Variants in F2R observed in about 807,000 individuals in gnomAD.
F2R encodes the protein coagulation factor II thrombin receptor.
In F2R, 12 loss-of-function variants were observed where a neutral mutation model predicts 18.3. That is an observed-to-expected ratio of 0.66 (90% CI 0.42 to 1.06). F2R has a LOEUF of 1.06. F2R is among the 50% of genes least tolerant of loss of function. The probability of loss-of-function intolerance (pLI) is 0.00; values close to 1 mark genes in which losing one functional copy is unlikely to be tolerated. For missense variants in F2R, 438 were observed against 530.8 expected, an observed-to-expected ratio of 0.83 and a Z score of 1.72; for synonymous variants, 210 against 219.9, an observed-to-expected ratio of 0.95 and a Z score of 0.40.
At chr5:76,716,541 C>G (rs1561625488) in intron 1 of F2R, 146 bp downstream of exon 1, 1 of 776,056 alleles carries the variant, frequency 1.3e-6, no homozygotes, top group Non-Finnish European at 2.0e-6. Flanking sequence ...GAGTTTTTTC[C>G]AGTCACGTTT....
chr5:76,723,151 A>C (rs1748497946), intron 1 of F2R, among the ~76,000 whole-genome samples: 4 of 152,170 alleles, frequency 2.6e-5, no homozygotes, highest in South Asian at 2.1e-4. Context: ...GTGTGCAGCC[A>C]AAGTCAGTAG....
intron 1 of F2R, among the ~76,000 whole-genome samples, chr5:76,718,840 T>C (rs1182584280): frequency 6.6e-6 from 1 of 152,216 alleles, no homozygotes; most frequent in East Asian, 1.9e-4. Flanking sequence ...CAAGAATAGC[T>C]GGTGGTGACT....
chr5:76,733,032 C>T lies in F2R; in HGVS notation c.807C>T (p.Tyr269=). Residue 269 remains tyrosine, a synonymous_variant, in exon 2 of 2, where the codon TAC becomes TAT. Coordinates refer to ENST00000319211, the MANE Select transcript of F2R (RefSeq NM_001992.5). Reference sequence around the variant, plus strand: ...CCCTGCTCGAAGGCTACTATGCCTACTACTTCTCAGCCTTCTCTGCTGTCT... The same window carrying T: ...CCCTGCTCGAAGGCTACTATGCCTATTACTTCTCAGCCTTCTCTGCTGTCT... ...NETLLEGYYA[Y]YFSAFSAVFF... is the part of the protein sequence containing the mutation. 6.2e-7 allele frequency: 1 copy of T among 1,614,200 alleles called. No individual in the cohort carries two copies. The highest frequency in any genetic ancestry group is 8.5e-7 in the Non-Finnish European group (1 of 1,180,040).
Position 76,733,288 on chromosome 5 carries a change from C to G in F2R, c.1063C>G (p.Leu355Val), listed in dbSNP as rs140912041. 1.2e-6 allele frequency: 2 copies of G among 1,614,210 alleles called. No homozygotes were observed. The highest frequency in any genetic ancestry group is 2.2e-5 in the South Asian group (2 of 91,086). The change falls in exon 2 of 2, where the codon CTC becomes GTC. Residue 355 changes from leucine (L) to valine (V), a missense_variant. Physicochemically the swap from Leu to Val is conservative, Grantham distance 32 (BLOSUM62 1). Transcript: ENST00000319211. The part of the protein sequence containing the change: ...TTEAAYFAYL[L>V]CVCVSSISCC... ...AGAGGCTGCCTACTTTGCCTACCTC[C>G]TCTGTGTCTGTGTCAGCAGCATAAG...
intron 1 of F2R, 49 bp downstream of exon 1, chr5:76,716,444 G>A (rs1302682059): frequency 1.5e-6 from 2 of 1,350,464 alleles, no homozygotes; most frequent in Non-Finnish European, 1.9e-6. Flanking sequence ...ACGCCGAGGG[G>A]AGACTGCGGG....
At chr5:76,720,445 T>C (rs1047046749) in intron 1 of F2R, among the ~76,000 whole-genome samples, 2 of 152,064 alleles carry the variant, frequency 1.3e-5, no homozygotes, top group African/African-American at 4.8e-5. Context: ...CTTCAAAATA[T>C]TTAATAAATG....
rs375167664 is a variant in F2R at position 76,732,342 on chromosome 5, T to C, written c.117T>C (p.Asp39=). 28 of 1,608,622 alleles carry C rather than the reference T, an allele frequency of 1.7e-5. No individual in the cohort carries two copies. The highest frequency in any genetic ancestry group is 2.2e-5 in the Non-Finnish European group (26 of 1,178,518). Residue 39 remains aspartate (D), a synonymous_variant, in exon 2 of 2, where the codon GAT becomes GAC. Coordinates refer to ENST00000319211, the MANE Select transcript of F2R (RefSeq NM_001992.5). ...CAAAAGCAACAAATGCCACCTTAGA[T>C]CCCCGGTCATTTCTTCTCAGGAACC... ...PESKATNATL[D]PRSFLLRNPN...
intron 1 of F2R, among the ~76,000 whole-genome samples, chr5:76,720,844 C>A (rs941334965): frequency 3.3e-5 from 5 of 152,052 alleles, no homozygotes; most frequent in Non-Finnish European, 5.9e-5. Flanking sequence ...GTCTAGGTGT[C>A]TTACTCAGGC....
chr5:76,723,537 G>C (rs1408468062), intron 1 of F2R, among the ~76,000 whole-genome samples: 2 of 152,202 alleles, frequency 1.3e-5, no homozygotes, highest in East Asian at 3.8e-4. Context: ...GGCAAGTGAA[G>C]TATCTGGCAC....
chr5:76,720,226 G>A (rs1748421697), intron 1 of F2R, among the ~76,000 whole-genome samples: 2 of 152,084 alleles, frequency 1.3e-5, no homozygotes, highest in African/African-American at 2.4e-5. Context: ...TAGGCCAGAT[G>A]ATCGCTTGAG....
chr5:76,731,775 AC>A (rs1748673659), intron 1 of F2R, among the ~76,000 whole-genome samples: 1 of 152,000 alleles, frequency 6.6e-6, no homozygotes, highest in Admixed American at 6.6e-5. Context: ...TGATCCACCC[AC>A]CTCGGACTCC....
chr5:76,734,845 G>A lies in F2R; in HGVS notation c.*1342G>A, dbSNP rs753504178. The A allele has an allele frequency of 5.3e-5, 8 of 152,338 alleles. No homozygotes were observed. The highest frequency in any genetic ancestry group is 8.8e-5 in the Non-Finnish European group (6 of 68,018). The allele number at this position is 152,338 out of a possible 1,614,324, so 9.4% of individuals were successfully genotyped here. A position where few individuals can be genotyped will look rare whatever the true frequency, so the allele number is the denominator to read the frequency against. Reference sequence around the variant, plus strand: ...ACAGGACATATATTTTTTAAAATAAGTCTGATTTAATTGGGCACTATTTAT... The same window carrying A: ...ACAGGACATATATTTTTTAAAATAAATCTGATTTAATTGGGCACTATTTAT... On this transcript the variant is annotated 3_prime_UTR_variant, in exon 2 of 2. Coordinates refer to ENST00000319211, the MANE Select transcript of F2R (RefSeq NM_001992.5).
intron 1 of F2R, among the ~76,000 whole-genome samples, chr5:76,724,645 C>A (rs1217688150): frequency 1.3e-5 from 2 of 152,192 alleles, no homozygotes; most frequent in East Asian, 3.8e-4. Flanking sequence ...ACTCATGGAT[C>A]TTAACATGTA....
At chr5:76,721,087 G>A (rs534677097) in intron 1 of F2R, among the ~76,000 whole-genome samples, 9 of 152,340 alleles carry the variant, frequency 5.9e-5, no homozygotes, top group African/African-American at 1.4e-4. Flanking sequence ...AATTCTAGGC[G>A]TGAGCCACCA....
chr5:76,728,843 A>G (rs2150582680), intron 1 of F2R, among the ~76,000 whole-genome samples: 1 of 152,220 alleles, frequency 6.6e-6, no homozygotes, highest in South Asian at 2.1e-4. Flanking sequence ...GGTATGCGCT[A>G]CCAAGCCTGG....
chr5:76,717,029 G>T (rs557212058), intron 1 of F2R, among the ~76,000 whole-genome samples: 2 of 152,296 alleles, frequency 1.3e-5, no homozygotes, highest in South Asian at 4.1e-4. Context: ...AGAGGATTTT[G>T]TTGTTACCTA....
intron 1 of F2R, among the ~76,000 whole-genome samples, chr5:76,722,737 G>T (rs1299416135): frequency 6.6e-6 from 1 of 152,166 alleles, no homozygotes; most frequent in Non-Finnish European, 1.5e-5. Flanking sequence ...GATCACTTAA[G>T]GTCAGGAGTT....
At chr5:76,723,548 A>G (rs1006599131) in intron 1 of F2R, among the ~76,000 whole-genome samples, 16 of 152,254 alleles carry the variant, frequency 1.1e-4, no homozygotes, top group African/African-American at 3.6e-4. Flanking sequence ...TATCTGGCAC[A>G]TAGTAGGTGC....
At position 76,730,023 on chromosome 5, in the gene F2R, T is replaced by C. The variant is rs2227791; in HGVS notation, c.89-2291T>C. ...TATGATTATGAGGCCTCCCCAGCCA[T>C]GTGGAACTGTAAGTCCAATAAACCA... On this transcript the variant is annotated intron_variant, in intron 1 of 1. Coordinates refer to ENST00000319211, the MANE Select transcript of F2R (RefSeq NM_001992.5). 3.6e-3 allele frequency among the ~76,000 whole-genome samples: 543 copies of C among 152,322 alleles called. 5 individuals carry two copies. Among genetic ancestry groups the C allele is most frequent in the African/African-American group, 0.012 (506 of 41,562 alleles).
Sources: allele counts gnomAD v4.1 joint callset (sites outside exome capture counted in the v4.1 genomes callset), GRCh38; gene constraint gnomAD v4.1.1; transcripts MANE v1.5; gene names NCBI Gene and HGNC (gene_info 2026-07-23, HGNC 2026-07-21).